Variants in IGLL5 observed in about 807,000 individuals in gnomAD.
The protein encoded by IGLL5 is immunoglobulin lambda-like polypeptide 5.
Under a neutral mutation model 20.9 loss-of-function variants are expected in IGLL5, and 30 were observed. The ratio of observed to expected loss-of-function variants is 1.44; its 90% CI spans 1.07 to 1.95. The LOEUF (loss-of-function observed/expected upper bound fraction) is 1.95. Among genes scored for constraint, IGLL5 ranks in the 30% most tolerant of loss-of-function variants. The pLI, the probability that IGLL5 is intolerant of heterozygous loss-of-function variation, is 0.00. For synonymous variants in IGLL5, 203 were observed against 117.3 expected (o/e 1.73, Z -4.72); for missense variants, 475 against 270.7 (o/e 1.75, Z -5.30).
chr22:22,888,378 G>A (rs576626055), intron 1 of IGLL5, 119 bp downstream of exon 1: 25 of 800,674 alleles, frequency 3.1e-5, no homozygotes, highest in Admixed American at 1.1e-4. Context: ...AGGGGCCTGG[G>A]CTGACACTGG....
At chr22:22,889,213 C>T (rs1168160023) in intron 1 of IGLL5, among the ~76,000 whole-genome samples, 2 of 150,858 alleles carry the variant, frequency 1.3e-5, no homozygotes, top group African/African-American at 4.9e-5. Context: ...TGGAGGAAGC[C>T]GTGCCTTGGG....
chr22:22,887,816 G>T lies in IGLL5; in HGVS notation c.-238G>T. 2 of 590,006 alleles carry T rather than the reference G, an allele frequency of 3.4e-6. No homozygotes were observed. Among genetic ancestry groups the T allele is most frequent in the Non-Finnish European group, 6.1e-6 (2 of 329,756 alleles). The allele number at this position is 590,006 out of a possible 1,614,324, so 36.5% of individuals were successfully genotyped here. On this transcript the variant is annotated 5_prime_UTR_variant, in exon 1 of 3. Coordinates refer to ENST00000526893, the MANE Select transcript of IGLL5 (RefSeq NM_001178126.2). ...GTGGGAGGCAGTTGAGCCCTGGATT[G>T]TGACCGCTTCAGGGCAGTTGGTAGA... is the stretch of plus-strand genomic sequence containing the variant.
At chr22:22,889,507 A>T (rs2067727205) in intron 1 of IGLL5, among the ~76,000 whole-genome samples, 2 of 151,360 alleles carry the variant, frequency 1.3e-5, no homozygotes, top group South Asian at 2.1e-4. Context: ...TTAGCTCAGC[A>T]TTATTAGTGA....
At position 22,888,241 on chromosome 22, in the gene IGLL5, T is replaced by A. The variant is rs1338923337; in HGVS notation, c.188T>A (p.Leu63Gln). ...TCAGTTGGAAGCAGCCGATCCAGCC[T>A]GCGGAGCCTGTGGGGCAGGTAAGGG... ...GASVGSSRSS[L>Q]RSLWGRLLLQ... The change falls in exon 1 of 3, where the codon CTG (leucine) becomes CAG (glutamine). Residue 63 changes from leucine (L) to glutamine (Q), a missense_variant. By Grantham distance (113) the Leu-to-Gln change is moderately radical. Coordinates refer to ENST00000526893, the MANE Select transcript of IGLL5 (RefSeq NM_001178126.2). 2.6e-6 allele frequency: 4 copies of A among 1,547,814 alleles called. No individual in the cohort carries two copies. The highest frequency in any genetic ancestry group is 2.0e-4 in the Middle Eastern group (1 of 5,122).
intron 1 of IGLL5, 63 bp downstream of exon 1, chr22:22,888,322 A>G (rs539696196): frequency 4.8e-6 from 7 of 1,468,338 alleles, no homozygotes; most frequent in African/African-American, 2.8e-5. Flanking sequence ...AAGGGTGACC[A>G]AGGGGAGACA....
intron 1 of IGLL5, among the ~76,000 whole-genome samples, chr22:22,890,607 A>T (rs2067811938): frequency 7.0e-6 from 1 of 142,622 alleles, no homozygotes; most frequent in African/African-American, 2.6e-5. Context: ...GTGTATGTGT[A>T]CAAAGTGCAC....
intron 2 of IGLL5, 128 bp from the exon 3 acceptor site, chr22:22,895,247 G>C (rs2066734860): frequency 1.2e-6 from 1 of 836,432 alleles, no homozygotes; most frequent in Non-Finnish European, 1.9e-6. Flanking sequence ...GGAAAGAAGA[G>C]GAGAGAACCC....
At position 22,893,811 on chromosome 22, in the gene IGLL5, C is replaced by T. The variant is rs201675786; in HGVS notation, c.318C>T (p.Thr106=). The T allele has an allele frequency of 8.7e-6, 14 of 1,605,658 alleles. No individual in the cohort carries two copies. The highest frequency in any genetic ancestry group is 8.1e-5 in the African/African-American group (6 of 74,514). Residue 106 remains threonine, a synonymous_variant, in exon 2 of 3, where the codon ACC becomes ACT. Transcript: ENST00000526893. The part of the protein sequence containing the change: ...CYVFGTGTKV[T]VLGQPKANPT... ...TCTTCGGAACTGGGACCAAGGTCAC[C>T]GTCCTAGGTAAGTGGCTCTCAACCT...
chr22:22,888,178 T>G lies in IGLL5; in HGVS notation c.125T>G (p.Met42Arg), dbSNP rs140298238. 6 of 1,548,814 alleles carry G rather than the reference T, an allele frequency of 3.9e-6. No homozygotes were observed. Among genetic ancestry groups the G allele is most frequent in the East Asian group, 4.9e-5 (2 of 40,604 alleles). Residue 42 changes from methionine to arginine, a missense_variant, in exon 1 of 3, where the codon ATG becomes AGG. By Grantham distance (91) the Met-to-Arg change is moderately conservative. Transcript: ENST00000526893. ...AMVAHGLLRP[M>R]VAPQSGDPDP... ...GTCGCCCATGGCCTGCTGCGCCCAA[T>G]GGTTGCACCGCAAAGCGGGGACCCA...
intron 1 of IGLL5, among the ~76,000 whole-genome samples, chr22:22,892,415 T>C (rs946034041): frequency 1.3e-5 from 2 of 151,098 alleles, no homozygotes; most frequent in African/African-American, 4.9e-5. Flanking sequence ...ATGGTTGCCA[T>C]CATAAACTCT....
intron 1 of IGLL5, among the ~76,000 whole-genome samples, chr22:22,888,959 G>A (rs2067669509): frequency 6.6e-6 from 1 of 151,290 alleles, no homozygotes; most frequent in African/African-American, 2.4e-5. Flanking sequence ...AGCGTCAGAG[G>A]AGAGGAGAGC....
In IGLL5 at chr22:22,895,670, A is replaced by G. The variant is rs562190369; in HGVS notation, c.621A>G (p.Thr207=). The change falls in exon 3 of 3, where the codon ACA becomes ACG. Residue 207 remains threonine (T), a synonymous_variant. Transcript: ENST00000526893. ...VTHEGSTVEK[T]VAPTECS ...ATGAAGGGAGCACCGTGGAGAAGACAGTGGCCCCTACAGAATGTTCATAGG... is the reference window on the plus strand; with the variant it reads ...ATGAAGGGAGCACCGTGGAGAAGACGGTGGCCCCTACAGAATGTTCATAGG... 4.2e-5 allele frequency: 68 copies of G among 1,613,248 alleles called. 1 individual carries two copies. The highest frequency in any genetic ancestry group is 3.2e-4 in the South Asian group (29 of 91,036).
intron 2 of IGLL5, among the ~76,000 whole-genome samples, chr22:22,894,877 A>G (rs561215002): frequency 2.6e-5 from 4 of 151,366 alleles, no homozygotes; most frequent in Admixed American, 6.6e-5. Context: ...CCTGTGAGGG[A>G]TAGGAAGCTC....
In IGLL5 at chr22:22,896,003, C is replaced by G. The variant is rs1248632483; in HGVS notation, c.*309C>G. On this transcript the variant is annotated 3_prime_UTR_variant, in exon 3 of 3. Transcript: ENST00000526893. The stretch of plus-strand genomic sequence containing the variant: ...GTCCTTCCTCTCCCAGTCACCCCTT[C>G]TCCAACTCTCCACTGTACCCCTGAG... 2 of 530,750 alleles carry G rather than the reference C, an allele frequency of 3.8e-6. No homozygotes were observed. The highest frequency in any genetic ancestry group is 6.8e-6 in the Non-Finnish European group (2 of 295,694). 32.9% of individuals were successfully genotyped at this position (530,750 alleles called of 1,614,324 possible).
In IGLL5 at chr22:22,888,437, C is replaced by T. The variant is rs147224116; in HGVS notation, c.206+178C>T. The stretch of plus-strand genomic sequence containing the variant: ...GTCCATCACAGATTTGTTTGAATTA[C>T]TGTTTTTAATATCATATTACGATAT... On this transcript the variant is annotated intron_variant, in intron 1 of 2. Coordinates refer to ENST00000526893, the MANE Select transcript of IGLL5 (RefSeq NM_001178126.2). Among the ~76,000 whole-genome samples the T allele has an allele frequency of 2.0e-4, 30 of 151,238 alleles. 2 individuals are homozygous for T. The highest frequency in any genetic ancestry group is 1.0e-3 in the East Asian group (5 of 4,932).
In IGLL5 at chr22:22,895,884, G is replaced by T. The variant is rs1201846666; in HGVS notation, c.*190G>T. ...TCACATAAATTGCTAGCCTCCCCGG[G>T]GTTCTCAGTGTGGGGTACAGGGAAT... On this transcript the variant is annotated 3_prime_UTR_variant, in exon 3 of 3. Transcript: ENST00000526893. 7.2e-5 allele frequency: 48 copies of T among 664,268 alleles called. No individual in the cohort carries two copies. Among genetic ancestry groups the T allele is most frequent in the South Asian group, 5.8e-4 (31 of 53,084 alleles). The allele number at this position is 664,268 out of a possible 1,614,324, so 41.1% of individuals were successfully genotyped here. A position where few individuals can be genotyped will look rare whatever the true frequency, so the allele number is the denominator to read the frequency against.
intron 2 of IGLL5, among the ~76,000 whole-genome samples, chr22:22,894,147 T>A (rs1601623982): frequency 2.6e-5 from 4 of 151,404 alleles, no homozygotes; most frequent in South Asian, 2.1e-4. Context: ...TTAGGGACAT[T>A]GCCCAGTGAC....
In IGLL5 at chr22:22,896,060, C is replaced by T. The variant is rs1024479233; in HGVS notation, c.*366C>T. 1.2e-5 allele frequency: 5 copies of T among 428,316 alleles called. No individual in the cohort carries two copies. The highest frequency in any genetic ancestry group is 4.0e-5 in the African/African-American group (2 of 49,822). The allele number at this position is 428,316 out of a possible 1,614,324, so 26.5% of individuals were successfully genotyped here. A position where few individuals can be genotyped will look rare whatever the true frequency, so the allele number is the denominator to read the frequency against. On this transcript the variant is annotated 3_prime_UTR_variant, in exon 3 of 3. Transcript: ENST00000526893. ...GTCTGGCATCAGTTCAGACCAGTCC[C>T]ACACCCTCCTAAATTTTACTTCTCA... is the stretch of plus-strand genomic sequence containing the variant.
rs747834621 is a variant in IGLL5 at position 22,895,499 on chromosome 22, G to A, written c.450G>A (p.Trp150Ter). 10 of 1,612,620 alleles carry A rather than the reference G, an allele frequency of 6.2e-6. No individual in the cohort carries two copies. The highest frequency in any genetic ancestry group is 8.5e-6 in the Non-Finnish European group (10 of 1,179,612). The change falls in exon 3 of 3, where the codon TGG becomes TGA. Residue 150 changes from tryptophan to a stop codon, truncating the protein, a stop_gained. Coordinates refer to ENST00000526893, the MANE Select transcript of IGLL5 (RefSeq NM_001178126.2). LOFTEE classifies it high-confidence loss of function. Reference sequence around the variant, plus strand: ...ACCCGGGAGCTGTGACAGTGGCCTGGAAGGCAGATGGCAGCCCCGTCAAGG... The same window carrying A: ...ACCCGGGAGCTGTGACAGTGGCCTGAAAGGCAGATGGCAGCCCCGTCAAGG... ...DFYPGAVTVAWKADGSPVKAG... is the reference protein window; with the variant it reads ...DFYPGAVTVA
Sources: gnomAD v4.1 joint callset for allele counts (sites outside exome capture counted in the v4.1 genomes callset) on GRCh38, gnomAD v4.1.1 for gene constraint, MANE v1.5 for transcripts, NCBI Gene and HGNC (gene_info 2026-07-23, HGNC 2026-07-21) for gene names.